CLTCL1: variants seen among roughly 807,000 people sequenced by gnomAD.
CLTCL1 encodes clathrin heavy chain 2.
A neutral mutation model predicts 190.0 loss-of-function variants in CLTCL1; 159 were observed. That is an observed-to-expected ratio of 0.84 (90% CI 0.74 to 0.95). The LOEUF is 0.95. Ranked by LOEUF, CLTCL1 falls within the 40% of genes least tolerant of loss-of-function variation. The pLI is 0.00. For missense variants in CLTCL1, 1,878 were observed against 2,033.4 expected (o/e 0.92, Z 1.47); for synonymous variants, 752 against 769.6 (o/e 0.98, Z 0.38).
At chr22:19,256,003 A>G (rs2086736433) in intron 2 of CLTCL1, among the ~76,000 whole-genome samples, 1 of 152,170 alleles carries the variant, frequency 6.6e-6, no homozygotes, top group Non-Finnish European at 1.5e-5. Context: ...ACACTATAAA[A>G]TATTCCTGAA....
At chr22:19,249,337 C>T (rs1383090595) in intron 3 of CLTCL1, among the ~76,000 whole-genome samples, 9 of 150,692 alleles carry the variant, frequency 6.0e-5, no homozygotes, top group East Asian at 1.9e-4. Context: ...CCAGCCTCAG[C>T]GACAGAGCAA....
At chr22:19,246,715 C>T (rs568406098) in intron 3 of CLTCL1, among the ~76,000 whole-genome samples, 1 of 152,116 alleles carries the variant, frequency 6.6e-6, no homozygotes, top group Admixed American at 6.5e-5. Context: ...ACCTCAGGGC[C>T]AACACTTATT....
intron 22 of CLTCL1, among the ~76,000 whole-genome samples, chr22:19,205,995 C>T (rs1555942545): frequency 6.6e-6 from 1 of 151,388 alleles, no homozygotes; most frequent in East Asian, 1.9e-4. Context: ...GGCACAATCA[C>T]AGCTCATTAC....
chr22:19,207,449 A>G (rs1432421078), intron 22 of CLTCL1: 4 of 399,384 alleles, frequency 1.0e-5, no homozygotes, highest in Middle Eastern at 6.2e-4. Flanking sequence ...TCTGATGTGT[A>G]TAGCCAAGAG....
intron 2 of CLTCL1, among the ~76,000 whole-genome samples, chr22:19,254,549 T>C (rs2086691957): frequency 6.6e-6 from 1 of 152,222 alleles, no homozygotes. Context: ...AGTTTTAAAA[T>C]ACTTTTCTGG....
intron 30 of CLTCL1, 29 bp downstream of exon 30, chr22:19,183,361 C>A (rs782709145): frequency 5.0e-6 from 8 of 1,594,360 alleles, no homozygotes; most frequent in Non-Finnish European, 6.9e-6. Flanking sequence ...ACACAGGGGC[C>A]GGGGAGCTGC....
At chr22:19,214,486 T>C (rs1555948557) in intron 19 of CLTCL1, among the ~76,000 whole-genome samples, 1 of 152,136 alleles carries the variant, frequency 6.6e-6, no homozygotes, top group Non-Finnish European at 1.5e-5. Flanking sequence ...GTTGGTTGTG[T>C]TGCAAATATC....
At chr22:19,268,584 C>A (rs782749143) in intron 2 of CLTCL1, among the ~76,000 whole-genome samples, 3 of 151,814 alleles carry the variant, frequency 2.0e-5, no homozygotes, top group African/African-American at 7.3e-5. Flanking sequence ...GGTTAATAAT[C>A]ATATTTAAAA....
intron 7 of CLTCL1, 95 bp downstream of exon 7, chr22:19,234,414 G>T: frequency 9.1e-7 from 1 of 1,097,318 alleles, no homozygotes; most frequent in Non-Finnish European, 1.3e-6. Context: ...CTAATAGACT[G>T]CAATATCACT....
chr22:19,208,117 G>A (rs1555943907), intron 22 of CLTCL1, 37 bp downstream of exon 22: 5 of 1,613,016 alleles, frequency 3.1e-6, no homozygotes, highest in Admixed American at 1.7e-5. Flanking sequence ...ACCTAAATCT[G>A]ACTGGCAGTG....
intron 29 of CLTCL1, among the ~76,000 whole-genome samples, chr22:19,186,197 A>G (rs1470862419): frequency 1.3e-5 from 2 of 152,218 alleles, no homozygotes; most frequent in South Asian, 4.1e-4. Context: ...GAAGATACTC[A>G]GGAATGCCTA....
chr22:19,263,389 G>A (rs2087016780), intron 2 of CLTCL1, among the ~76,000 whole-genome samples: 1 of 151,496 alleles, frequency 6.6e-6, no homozygotes, highest in Admixed American at 6.6e-5. Flanking sequence ...ATGCCACCAT[G>A]CCTGGCCATA....
At chr22:19,193,062 C>T (rs2084568106) in intron 26 of CLTCL1, among the ~76,000 whole-genome samples, 1 of 152,190 alleles carries the variant, frequency 6.6e-6, no homozygotes, top group South Asian at 2.1e-4. Flanking sequence ...TCCTCAAAGC[C>T]CCACCTGCTT....
At chr22:19,291,347 G>A (rs2088112990) in intron 1 of CLTCL1, among the ~76,000 whole-genome samples, 1 of 152,156 alleles carries the variant, frequency 6.6e-6, no homozygotes, top group Non-Finnish European at 1.5e-5. Context: ...GTCCCAGGGG[G>A]CGTTGGCTTC....
At chr22:19,252,260 T>A (rs1236040856) in intron 3 of CLTCL1, among the ~76,000 whole-genome samples, 3 of 152,154 alleles carry the variant, frequency 2.0e-5, no homozygotes, top group African/African-American at 7.2e-5. Context: ...GAAAATTAAT[T>A]ACATCACTCT....
At chr22:19,180,079 C>A in intron 32 of CLTCL1, 110 bp from the exon 33 acceptor site, 1 of 867,586 alleles carries the variant, frequency 1.2e-6, no homozygotes, top group South Asian at 1.5e-5. Flanking sequence ...ATAGGACCAG[C>A]CCTTACCACC....
At chr22:19,234,481 C>G in intron 7 of CLTCL1, 28 bp downstream of exon 7, 1 of 1,573,146 alleles carries the variant, frequency 6.4e-7, no homozygotes, top group South Asian at 1.1e-5. Flanking sequence ...ACACTCAGAA[C>G]ACTTGAACAG....
chr22:19,239,956 TTTTTTTTTTTAAGATGGAG>T (rs1418912303), intron 4 of CLTCL1, among the ~76,000 whole-genome samples: 6 of 151,288 alleles, frequency 4.0e-5, no homozygotes, highest in African/African-American at 1.2e-4. Flanking sequence ...TTCTTTTTTT[TTTTTTTTTTTAAGATGGAG>T]TCTCGCTCTG....
chr22:19,255,812 A>C (rs537514828), intron 2 of CLTCL1, among the ~76,000 whole-genome samples: 1 of 150,906 alleles, frequency 6.6e-6, no homozygotes, highest in Non-Finnish European at 1.5e-5. Flanking sequence ...CGGGAGGCTG[A>C]GGCAGGAGAA....
Sources: gnomAD v4.1 joint callset for allele counts (sites outside exome capture counted in the v4.1 genomes callset) on GRCh38, gnomAD v4.1.1 for gene constraint, MANE v1.5 for transcripts, NCBI Gene and HGNC (gene_info 2026-07-23, HGNC 2026-07-21) for gene names.